Variants in SPATS2L observed in about 807,000 individuals in gnomAD.
The protein encoded by SPATS2L is spermatogenesis associated serine rich 2 like, also known as SPATS2-like protein.
A neutral mutation model predicts 59.6 loss-of-function variants in SPATS2L; 30 were observed. The observed-to-expected ratio is 0.50, with a 90% CI of 0.38 to 0.68. SPATS2L has a LOEUF of 0.68. Among genes scored for constraint, SPATS2L ranks in the 30% least tolerant of loss-of-function variants. The pLI, the probability that SPATS2L is intolerant of heterozygous loss-of-function variation, is 0.00. For synonymous variants in SPATS2L, 252 were observed against 263.5 expected, an observed-to-expected ratio of 0.96 and a Z score of 0.42; for missense variants, 615 against 700.0, an observed-to-expected ratio of 0.88 and a Z score of 1.37.
At chr2:200,467,543 G>C (rs1201763995) in intron 10 of SPATS2L, 144 bp downstream of exon 10, 1 of 624,402 alleles carries the variant, frequency 1.6e-6, no homozygotes, top group East Asian at 2.8e-5. Context: ...AGAGAACACA[G>C]AAGGGGGAAG....
intron 3 of SPATS2L, among the ~76,000 whole-genome samples, chr2:200,403,328 T>G (rs2082591663): frequency 6.6e-6 from 1 of 152,168 alleles, no homozygotes; most frequent in African/African-American, 2.4e-5. Context: ...AGGCACAGCT[T>G]ATGAAAAATT....
At chr2:200,414,934 C>A (rs1262595227) in intron 4 of SPATS2L, among the ~76,000 whole-genome samples, 2 of 152,122 alleles carry the variant, frequency 1.3e-5, no homozygotes, top group Non-Finnish European at 2.9e-5. Context: ...AACTCACCAC[C>A]ACTTTCTGAT....
At position 200,419,367 on chromosome 2, in the gene SPATS2L, G is replaced by A. The variant is rs77498245; in HGVS notation, c.316G>A (p.Gly106Ser). Residue 106 changes from glycine (G) to serine (S), a missense_variant, in exon 6 of 13, where the codon GGC (glycine) becomes AGC (serine). Transcript: ENST00000409140. ...LQPQPPQIQNGPMNGCEKDSS... is the reference protein window; with the variant it reads ...LQPQPPQIQNSPMNGCEKDSS... Reference sequence around the variant, plus strand: ...GCCGCAGCCACCACAGATTCAAAACGGCCCCATGAATGGCTGCGAGAAGGA... The same window carrying A: ...GCCGCAGCCACCACAGATTCAAAACAGCCCCATGAATGGCTGCGAGAAGGA... The A allele has an allele frequency of 2.1e-4, 340 of 1,612,702 alleles. No individual in the cohort carries two copies. The highest frequency in any genetic ancestry group is 4.2e-4 in the Admixed American group (25 of 59,890).
intron 2 of SPATS2L, among the ~76,000 whole-genome samples, chr2:200,365,953 A>G (rs2081256337): frequency 6.6e-6 from 1 of 152,212 alleles, no homozygotes; most frequent in African/African-American, 2.4e-5. Context: ...ATGCTCAATA[A>G]AATTTTCTTG....
At chr2:200,472,718 A>G in intron 11 of SPATS2L, 114 bp from the exon 12 acceptor site, 1 of 884,440 alleles carries the variant, frequency 1.1e-6, no homozygotes, top group East Asian at 2.5e-5. Flanking sequence ...AAACTTTTTA[A>G]TGTTTTTGTG....
Position 200,477,833 on chromosome 2 carries a change from C to T in SPATS2L, c.1479C>T (p.Ser493=). The T allele has an allele frequency of 1.9e-6, 3 of 1,581,000 alleles. No homozygotes were observed. The highest frequency in any genetic ancestry group is 2.6e-6 in the Non-Finnish European group (3 of 1,163,486). Residue 493 remains serine (S), a synonymous_variant, in exon 13 of 13, where the codon TCC becomes TCT. Transcript: ENST00000409140. ...NKGGAKNQEA[S]LGMKTPEAPA... is the part of the protein sequence containing the mutation. ...GCGGTGCCAAAAATCAAGAGGCTTC[C>T]TTGGGGATGAAGACCCCCGAGGCCC...
At chr2:200,427,139 G>A (rs1371555270) in intron 6 of SPATS2L, among the ~76,000 whole-genome samples, 2 of 152,012 alleles carry the variant, frequency 1.3e-5, no homozygotes, top group South Asian at 2.1e-4. Context: ...GTTACAAATG[G>A]ACTTAATTAA....
chr2:200,325,074 A>G (rs1384474206), intron 1 of SPATS2L, among the ~76,000 whole-genome samples: 1 of 152,222 alleles, frequency 6.6e-6, no homozygotes, highest in East Asian at 1.9e-4. Context: ...AACTACCTTC[A>G]GAGGAAAAGG....
At chr2:200,472,385 A>G (rs1037986719) in intron 11 of SPATS2L, among the ~76,000 whole-genome samples, 1 of 152,178 alleles carries the variant, frequency 6.6e-6, no homozygotes, top group African/African-American at 2.4e-5. Context: ...CATAGCTCCC[A>G]ATCTTTCTGT....
chr2:200,387,704 G>T (rs552425044), intron 2 of SPATS2L, among the ~76,000 whole-genome samples: 39 of 152,280 alleles, frequency 2.6e-4, no homozygotes, highest in African/African-American at 8.9e-4. Flanking sequence ...TATAAGAAAA[G>T]AAAAGGAATA....
intron 2 of SPATS2L, among the ~76,000 whole-genome samples, chr2:200,348,202 G>A (rs1283986753): frequency 6.6e-6 from 1 of 152,168 alleles, no homozygotes; most frequent in African/African-American, 2.4e-5. Flanking sequence ...CATAATACTA[G>A]TGTTCTGAGT....
chr2:200,345,165 G>A (rs922405372), intron 2 of SPATS2L, among the ~76,000 whole-genome samples: 3 of 152,138 alleles, frequency 2.0e-5, no homozygotes, highest in Non-Finnish European at 4.4e-5. Flanking sequence ...TCCATAAGAG[G>A]ATTGCCTAGG....
At chr2:200,367,673 A>G (rs954237513) in intron 2 of SPATS2L, among the ~76,000 whole-genome samples, 2 of 149,678 alleles carry the variant, frequency 1.3e-5, no homozygotes, top group African/African-American at 4.9e-5. Flanking sequence ...AGGAATGCCC[A>G]TATTTACATA....
At chr2:200,407,955 G>T (rs565515592) in intron 3 of SPATS2L, among the ~76,000 whole-genome samples, 3 of 152,304 alleles carry the variant, frequency 2.0e-5, no homozygotes, top group African/African-American at 7.2e-5. Context: ...TTAGTCGCTT[G>T]TGAATGGGCA....
At chr2:200,462,353 A>T (rs1437698358) in intron 9 of SPATS2L, among the ~76,000 whole-genome samples, 1 of 152,210 alleles carries the variant, frequency 6.6e-6, no homozygotes, top group East Asian at 1.9e-4. Context: ...CAGTAAACAC[A>T]CGCGCTTCCT....
chr2:200,421,476 C>T (rs2083303980), intron 6 of SPATS2L, among the ~76,000 whole-genome samples: 1 of 152,198 alleles, frequency 6.6e-6, no homozygotes, highest in African/African-American at 2.4e-5. Flanking sequence ...CAAATGGTGA[C>T]ATGTACCAAA....
intron 4 of SPATS2L, 117 bp from the exon 5 acceptor site, chr2:200,416,260 CAA>C: frequency 2.7e-6 from 1 of 369,606 alleles, no homozygotes; most frequent in Non-Finnish European, 4.3e-6. Flanking sequence ...TGTATCAAAA[CAA>C]ATGAAAAAGC....
Position 200,419,396 on chromosome 2 carries a change from C to T in SPATS2L, c.345C>T (p.Ser115=). 1 of 1,613,526 alleles carries T rather than the reference C, an allele frequency of 6.2e-7. No homozygotes were observed. Among genetic ancestry groups the T allele is most frequent in the East Asian group, 2.2e-5 (1 of 44,778 alleles). The part of the protein sequence containing the change: ...NGPMNGCEKD[S]SSTDSANEKP... ...CCATGAATGGCTGCGAGAAGGACAG[C>T]TCGTCCACAGATTCTGCTAACGAAA... Residue 115 remains serine (S), a synonymous_variant, in exon 6 of 13, where the codon AGC becomes AGT. Transcript: ENST00000409140.
intron 3 of SPATS2L, among the ~76,000 whole-genome samples, chr2:200,399,015 T>C (rs530541404): frequency 8.5e-5 from 13 of 152,320 alleles, no homozygotes; most frequent in African/African-American, 3.1e-4. Context: ...CAAAAATATA[T>C]TGAAATGATG....
Sources: allele counts gnomAD v4.1 joint callset (sites outside exome capture counted in the v4.1 genomes callset), GRCh38; gene constraint gnomAD v4.1.1; transcripts MANE v1.5; gene names NCBI Gene and HGNC (gene_info 2026-07-23, HGNC 2026-07-21).